LDB2: variants seen among roughly 807,000 people sequenced by gnomAD.
The protein encoded by LDB2 is LIM domain binding 2.
A neutral mutation model predicts 44.3 loss-of-function variants in LDB2; 12 were observed. That is an observed-to-expected ratio of 0.27 (90% CI 0.17 to 0.44). The LOEUF is 0.44. LDB2 is among the 20% of genes least tolerant of loss of function. The pLI is 1.00. For missense variants in LDB2, 344 were observed against 473.5 expected (o/e 0.73, Z 2.54); for synonymous variants, 164 against 174.8 (o/e 0.94, Z 0.49).
intron 1 of LDB2, among the ~76,000 whole-genome samples, chr4:16,848,615 A>C (rs1787561538): frequency 6.6e-6 from 1 of 152,196 alleles, no homozygotes; most frequent in South Asian, 2.1e-4. Flanking sequence ...CAGAAGCTGC[A>C]GCGTCATACA....
chr4:16,686,223 T>G (rs1749205370), intron 2 of LDB2, among the ~76,000 whole-genome samples: 4 of 152,232 alleles, frequency 2.6e-5, no homozygotes, highest in Admixed American at 2.6e-4. Flanking sequence ...AAATTCTCCC[T>G]TCCGTGTGAC....
chr4:16,645,514 G>A (rs1453397362), intron 2 of LDB2, among the ~76,000 whole-genome samples: 3 of 142,576 alleles, frequency 2.1e-5, no homozygotes, highest in African/African-American at 5.2e-5. Flanking sequence ...TCCGCAGTCC[G>A]GCCTGGGCGA....
Position 16,853,295 on chromosome 4 carries a change from A to G in LDB2, c.132+45059T>C, listed in dbSNP as rs149082505. On this transcript the variant is annotated intron_variant, in intron 1 of 7. Transcript: ENST00000304523. ...TCATACAACTCAATAGTGAAAAAAC[A>G]AATAATCCAGTTAGAAAATGGGCAG... Among the ~76,000 whole-genome samples, 15 of 152,346 alleles carry G rather than the reference A, an allele frequency of 9.8e-5. No homozygotes were observed. In the East Asian group the frequency reaches 2.9e-3, roughly 29 times the overall value.
At chr4:16,616,159 A>C (rs965875913) in intron 2 of LDB2, among the ~76,000 whole-genome samples, 7 of 152,164 alleles carry the variant, frequency 4.6e-5, no homozygotes, top group African/African-American at 1.7e-4. Context: ...AAGCTCCAGA[A>C]AGGGAAGAAC....
intron 1 of LDB2, among the ~76,000 whole-genome samples, chr4:16,858,356 C>T (rs1248630184): frequency 6.6e-6 from 1 of 152,162 alleles, no homozygotes; most frequent in East Asian, 1.9e-4. Context: ...CATTATTGCT[C>T]CAAGGAGGGC....
intron 2 of LDB2, among the ~76,000 whole-genome samples, chr4:16,753,783 C>CT (rs2109133628): frequency 6.6e-6 from 1 of 152,260 alleles, no homozygotes; most frequent in East Asian, 1.9e-4. Flanking sequence ...ACTGGGACCC[C>CT]TAGCCCCAAA....
intron 5 of LDB2, among the ~76,000 whole-genome samples, chr4:16,557,121 C>T (rs778430022): frequency 7.9e-5 from 12 of 152,140 alleles, no homozygotes; most frequent in East Asian, 1.9e-4. Context: ...GGAACAGCGC[C>T]GGTCTATAGC....
In LDB2 at chr4:16,866,446, T is replaced by G. The variant is rs780400160; in HGVS notation, c.132+31908A>C. Among the ~76,000 whole-genome samples, 169 of 152,250 alleles carry G rather than the reference T, an allele frequency of 1.1e-3. 1 individual carries two copies. The highest frequency in any genetic ancestry group is 1.0e-4 in the Non-Finnish European group (7 of 67,998). On this transcript the variant is annotated intron_variant, in intron 1 of 7. Coordinates refer to ENST00000304523, the MANE Select transcript of LDB2 (RefSeq NM_001290.5). ...TTATAAGCCAACCAAATCAAATAAA[T>G]AAATCAAAGAATTTTGTAACAATCT...
At chr4:16,883,721 C>A (rs7696780) in intron 1 of LDB2, among the ~76,000 whole-genome samples, 1 of 152,176 alleles carries the variant, frequency 6.6e-6, no homozygotes, top group South Asian at 2.1e-4. Context: ...GCCAGGCTGA[C>A]GGCCAGCACA....
chr4:16,550,118 G>A (rs1197313365), intron 5 of LDB2, among the ~76,000 whole-genome samples: 1 of 152,158 alleles, frequency 6.6e-6, no homozygotes, highest in Non-Finnish European at 1.5e-5. Flanking sequence ...AAATAAACAT[G>A]TTAGGCCTCA....
chr4:16,676,844 G>A (rs530083067), intron 2 of LDB2, among the ~76,000 whole-genome samples: 1 of 152,334 alleles, frequency 6.6e-6, no homozygotes, highest in Non-Finnish European at 1.5e-5. Context: ...AAGGTGGAGT[G>A]TGAGTTTAGG....
intron 1 of LDB2, among the ~76,000 whole-genome samples, chr4:16,876,537 G>A (rs1718435567): frequency 6.6e-6 from 1 of 152,078 alleles, no homozygotes. Context: ...CATTTTATGT[G>A]CAATATGGGT....
chr4:16,829,962 G>A (rs1345156045), intron 1 of LDB2, among the ~76,000 whole-genome samples: 2 of 152,180 alleles, frequency 1.3e-5, no homozygotes, highest in South Asian at 2.1e-4. Context: ...AAAATTAGCT[G>A]GGCGTGGTGC....
At chr4:16,539,989 A>G (rs949665119) in intron 5 of LDB2, among the ~76,000 whole-genome samples, 3 of 152,170 alleles carry the variant, frequency 2.0e-5, no homozygotes, top group Non-Finnish European at 2.9e-5. Flanking sequence ...AGGAAGCATG[A>G]CTAGGAGGCC....
rs571698367 is a variant in LDB2 at position 16,779,502 on chromosome 4, A to G, written c.133-20242T>C. Among the ~76,000 whole-genome samples the G allele has an allele frequency of 4.6e-4, 70 of 152,318 alleles. No homozygotes were observed. The South Asian group carries it at 6.8e-3, about 15-fold the overall frequency. On this transcript the variant is annotated intron_variant, in intron 1 of 7. Transcript: ENST00000304523. ...TTAGCCCCACCTGCCACCTTGGCCA[A>G]TGAGAAGACCTGAAACATACAACTC...
chr4:16,730,641 G>C (rs1760542410), intron 2 of LDB2, among the ~76,000 whole-genome samples: 1 of 152,136 alleles, frequency 6.6e-6, no homozygotes, highest in Non-Finnish European at 1.5e-5. Context: ...TGGAGGCTTA[G>C]AGAGCTAAAG....
chr4:16,547,966 GT>G (rs1274907892), intron 5 of LDB2, among the ~76,000 whole-genome samples: 3 of 148,796 alleles, frequency 2.0e-5, no homozygotes, highest in Non-Finnish European at 3.0e-5. Context: ...TTTGTTTTTT[GT>G]TTTTTTTTCC....
chr4:16,710,070 AT>A (rs999273622), intron 2 of LDB2, among the ~76,000 whole-genome samples: 3 of 152,228 alleles, frequency 2.0e-5, no homozygotes, highest in Non-Finnish European at 4.4e-5. Context: ...GCCATAGATA[AT>A]GTGTCATATA....
At chr4:16,560,504 C>T (rs574266473) in intron 5 of LDB2, among the ~76,000 whole-genome samples, 1 of 152,078 alleles carries the variant, frequency 6.6e-6, no homozygotes, top group Non-Finnish European at 1.5e-5. Flanking sequence ...ACACCCTCCC[C>T]AGACTAAACC....
Sources: gnomAD v4.1 joint callset for allele counts (sites outside exome capture counted in the v4.1 genomes callset) on GRCh38, gnomAD v4.1.1 for gene constraint, MANE v1.5 for transcripts, NCBI Gene and HGNC (gene_info 2026-07-23, HGNC 2026-07-21) for gene names.